The following PEX10 variants were observed in gnomAD, a reference collection of about 807,000 sequenced individuals.
The protein encoded by PEX10 is peroxisomal biogenesis factor 10.
In PEX10, 32 loss-of-function variants were observed where a neutral mutation model predicts 38.0. The ratio of observed to expected loss-of-function variants is 0.84; its 90% confidence interval spans 0.63 to 1.13. The LOEUF (loss-of-function observed/expected upper bound fraction) is 1.13. Among genes scored for constraint, PEX10 ranks in the 50% most tolerant of loss-of-function variants. The pLI is 0.00. For synonymous variants in PEX10, 206 were observed against 207.3 expected (o/e 0.99, Z 0.05); for missense variants, 483 against 457.7 (o/e 1.06, Z -0.51).
In PEX10 at chr1:2,410,469, A is replaced by T; in HGVS notation, c.113-18T>A. 1 of 1,611,930 alleles carries T rather than the reference A, an allele frequency of 6.2e-7. No individual in the cohort carries two copies. The highest frequency in any genetic ancestry group is 8.5e-7 in the Non-Finnish European group (1 of 1,178,330). On this transcript the variant is annotated intron_variant, in intron 1 of 5. Coordinates refer to ENST00000447513, the MANE Select transcript of PEX10 (RefSeq NM_002617.4). This position sits in a 1 kb window ranked among gnomAD's most constrained non-coding sequence, Gnocchi z 5.1. ...CCTCGCACCTGAGAGGAGAAACAGT[A>T]TTAGTCCGGGGGAGCTGGTGGGCAT...
Position 2,404,074 on chromosome 1 carries a change from A to T in PEX10, c.*1692T>A, listed in dbSNP as rs1489605368. On this transcript the variant is annotated 3_prime_UTR_variant, in exon 6 of 6. Coordinates refer to ENST00000447513, the MANE Select transcript of PEX10 (RefSeq NM_002617.4). ...GTTTGGCCTTTTCGAAAGGTGACCC[A>T]TATTGCACAGCAGAACATCACAGCT... 1 of 152,238 alleles carries T rather than the reference A, an allele frequency of 6.6e-6. No individual in the cohort carries two copies. The highest frequency in any genetic ancestry group is 1.5e-5 in the Non-Finnish European group (1 of 68,056). The allele number at this position is 152,238 out of a possible 1,614,324, so 9.4% of individuals were successfully genotyped here.
At position 2,405,751 on chromosome 1, in the gene PEX10, C is replaced by T. The variant is rs1482396853; in HGVS notation, c.*15G>A. 5 of 1,592,852 alleles carry T rather than the reference C, an allele frequency of 3.1e-6. No individual in the cohort carries two copies. Among genetic ancestry groups the T allele is most frequent in the Non-Finnish European group, 3.4e-6 (4 of 1,170,166 alleles). On this transcript the variant is annotated 3_prime_UTR_variant, in exon 6 of 6. Coordinates refer to ENST00000447513, the MANE Select transcript of PEX10 (RefSeq NM_002617.4). ...CGTAGAGGTCATCTGTGTCCAGGCC[C>T]ACCCGGGCGCCGGCTCAGCGGTAGT...
Position 2,405,667 on chromosome 1 carries a change from G to C in PEX10, c.*99C>G, listed in dbSNP as rs1268635597. 1.7e-5 allele frequency: 19 copies of C among 1,087,440 alleles called. No individual in the cohort carries two copies. In the East Asian group the frequency reaches 4.4e-4, roughly 25 times the overall value. The allele number at this position is 1,087,440 out of a possible 1,614,324, so 67.4% of individuals were successfully genotyped here. A position where few individuals can be genotyped will look rare whatever the true frequency, so the allele number is the denominator to read the frequency against. ...TCTTACATGACAAAAAACTGAGAGT[G>C]TTCTAACTTCTGTGCAAGCAAGGTT... On this transcript the variant is annotated 3_prime_UTR_variant, in exon 6 of 6. Transcript: ENST00000447513.
Position 2,404,188 on chromosome 1 carries a change from CCT to C in PEX10, c.*1576_*1577del, listed in dbSNP as rs1383992669. On this transcript the variant is annotated 3_prime_UTR_variant, in exon 6 of 6. Transcript: ENST00000447513. ...AGGCTCCTCACTCTGGGCGGTGTTT[CCT>C]GTCTCAGAATTGACACGGTGAATGC... 2 of 152,214 alleles carry C rather than the reference CCT, an allele frequency of 1.3e-5. No homozygotes were observed. The highest frequency in any genetic ancestry group is 2.9e-5 in the Non-Finnish European group (2 of 68,056). The allele number at this position is 152,214 out of a possible 1,614,324, so 9.4% of individuals were successfully genotyped here. A position where few individuals can be genotyped will look rare whatever the true frequency, so the allele number is the denominator to read the frequency against.
Position 2,410,356 on chromosome 1 carries a change from C to T in PEX10, c.193+15G>A, listed in dbSNP as rs745845751. 31 of 1,609,058 alleles carry T rather than the reference C, an allele frequency of 1.9e-5. No homozygotes were observed. The highest frequency in any genetic ancestry group is 1.7e-4 in the Middle Eastern group (1 of 6,052). The stretch of plus-strand genomic sequence containing the variant: ...GTGGCTGCCCTCAGTCCTGAGGTCC[C>T]GTGGGAGCTTCTACCTGCAAGTGTG... On this transcript the variant is annotated intron_variant, in intron 2 of 5. Coordinates refer to ENST00000447513, the MANE Select transcript of PEX10 (RefSeq NM_002617.4). This position sits in a 1 kb window ranked among gnomAD's most constrained non-coding sequence, Gnocchi z 5.1.
At position 2,408,877 on chromosome 1, in the gene PEX10, G is replaced by A. The variant is rs199777923; in HGVS notation, c.194-19C>T. ...TGGTAGCCTGCGAGGAAGAGGATGGGTATGTGGACCCTGAGACTGCTGCCG... is the reference window on the plus strand; with the variant it reads ...TGGTAGCCTGCGAGGAAGAGGATGGATATGTGGACCCTGAGACTGCTGCCG... On this transcript the variant is annotated intron_variant, in intron 2 of 5. Coordinates refer to ENST00000447513, the MANE Select transcript of PEX10 (RefSeq NM_002617.4). The A allele has an allele frequency of 1.7e-5, 28 of 1,613,432 alleles. No individual in the cohort carries two copies. The African/African-American group carries it at 3.2e-4, about 18-fold the overall frequency.
chr1:2,408,580 T>C lies in PEX10; in HGVS notation c.472A>G (p.Arg158Gly). The C allele has an allele frequency of 6.2e-7, 1 of 1,611,984 alleles. No individual in the cohort carries two copies. The highest frequency in any genetic ancestry group is 8.5e-7 in the Non-Finnish European group (1 of 1,179,924). The change falls in exon 3 of 6, where the codon AGG becomes GGG. Residue 158 changes from arginine (R) to glycine (G), a missense_variant. Arg to Gly is a moderately radical substitution (Grantham distance 125, BLOSUM62 -2). Coordinates refer to ENST00000447513, the MANE Select transcript of PEX10 (RefSeq NM_002617.4). The part of the protein sequence containing the change: ...HTATLTEQQR[R>G]ALLRAVFVLR... ...ACGAAGACCGCCCGCAGCAGCGCCCTCCTCTGCTGCTCAGTCAGGGTGGCC... is the reference window on the plus strand; with the variant it reads ...ACGAAGACCGCCCGCAGCAGCGCCCCCCTCTGCTGCTCAGTCAGGGTGGCC...
intron 5 of PEX10, among the ~76,000 whole-genome samples, chr1:2,406,102 GCC>G: frequency 6.6e-6 from 1 of 152,282 alleles, no homozygotes; most frequent in South Asian, 2.1e-4. Flanking sequence ...AGCCCACGAA[GCC>G]CAGCTCCTGG....
At chr1:2,407,637 C>T (rs1227833269) in intron 3 of PEX10, among the ~76,000 whole-genome samples, 1 of 152,188 alleles carries the variant, frequency 6.6e-6, no homozygotes, top group African/African-American at 2.4e-5. Context: ...ATCAAATACG[C>T]AAGTGAGGCT....
rs531441290 is a variant in PEX10 at position 2,409,119 on chromosome 1, C to T, written c.194-261G>A. On this transcript the variant is annotated intron_variant, in intron 2 of 5. Coordinates refer to ENST00000447513, the MANE Select transcript of PEX10 (RefSeq NM_002617.4). The surrounding 1 kb of genome is among the most constrained non-coding windows in gnomAD (Gnocchi z 6.2). ...CCTTGGCTGGCCAGTGTCCCTCCCT[C>T]TCTTGGCTTCTCCCCAAGAGTCTCT... 3.3e-5 allele frequency among the ~76,000 whole-genome samples: 5 copies of T among 152,256 alleles called. No individual in the cohort carries two copies. The highest frequency in any genetic ancestry group is 3.3e-4 in the Admixed American group (5 of 15,306).
chr1:2,412,423 C>A lies in PEX10; in HGVS notation c.80G>T (p.Ser27Ile), dbSNP rs2100441250. The stretch of plus-strand genomic sequence containing the variant: ...GCTGTGCAGGGCGCCGCCCGCCGCG[C>A]TCCGCAGCCCACCGCGGTAGTACTC... The part of the protein sequence containing the change: ...KDEYYRGGLR[S>I]AAGGALHSLA... The change falls in exon 1 of 6, where the codon AGC (serine) becomes ATC (isoleucine). Residue 27 changes from serine to isoleucine, a missense_variant. By Grantham distance (142) the Ser-to-Ile change is moderately radical. Coordinates refer to ENST00000447513, the MANE Select transcript of PEX10 (RefSeq NM_002617.4). The A allele has an allele frequency of 7.1e-7, 1 of 1,416,944 alleles. No homozygotes were observed. Among genetic ancestry groups the A allele is most frequent in the East Asian group, 3.1e-5 (1 of 32,758 alleles). The allele number at this position is 1,416,944 out of a possible 1,614,324, so 87.8% of individuals were successfully genotyped here.
Position 2,405,501 on chromosome 1 carries a change from T to TA in PEX10, c.*264dup, listed in dbSNP as rs2100418076. ...AGGGAAACCTAAAATCCCGTCCAAATAAGTGAAATTCCTGAAGAAGTGGCT... is the reference window on the plus strand; with the variant it reads ...AGGGAAACCTAAAATCCCGTCCAAATAAAGTGAAATTCCTGAAGAAGTGGCT... On this transcript the variant is annotated 3_prime_UTR_variant, in exon 6 of 6. Coordinates refer to ENST00000447513, the MANE Select transcript of PEX10 (RefSeq NM_002617.4). 1 of 591,120 alleles carries TA rather than the reference T, an allele frequency of 1.7e-6. No individual in the cohort carries two copies. Among genetic ancestry groups the TA allele is most frequent in the South Asian group, 1.9e-5 (1 of 52,624 alleles). The allele number at this position is 591,120 out of a possible 1,614,324, so 36.6% of individuals were successfully genotyped here.
In PEX10 at chr1:2,405,755, C is replaced by G. The variant is rs3795270; in HGVS notation, c.*11G>C. Reference sequence around the variant, plus strand: ...GAGGTCATCTGTGTCCAGGCCCACCCGGGCGCCGGCTCAGCGGTAGTGCCG... The same window carrying G: ...GAGGTCATCTGTGTCCAGGCCCACCGGGGCGCCGGCTCAGCGGTAGTGCCG... On this transcript the variant is annotated 3_prime_UTR_variant, in exon 6 of 6. Transcript: ENST00000447513. The G allele has an allele frequency of 1.3e-6, 2 of 1,594,792 alleles. No homozygotes were observed. Among genetic ancestry groups the G allele is most frequent in the Non-Finnish European group, 1.7e-6 (2 of 1,171,196 alleles).
In PEX10 at chr1:2,406,538, C is replaced by T. The variant is rs374678390; in HGVS notation, c.858G>A (p.Thr286=). 3.7e-6 allele frequency: 6 copies of T among 1,613,088 alleles called. No individual in the cohort carries two copies. Among genetic ancestry groups the T allele is most frequent in the African/African-American group, 1.3e-5 (1 of 74,920 alleles). ...CLEERRHPTA[T]PCGHLFCWEC... is the part of the protein sequence containing the mutation. ...CCCAGCAGAACAGGTGGCCGCAGGG[C>T]GTGGCTGTTGGGTGCCTGCGCTCCT... Residue 286 remains threonine, a synonymous_variant, in exon 5 of 6, where the codon ACG becomes ACA. Transcript: ENST00000447513.
chr1:2,406,405 C>G (rs1643003170), intron 5 of PEX10, 79 bp downstream of exon 5: 3 of 1,579,524 alleles, frequency 1.9e-6, no homozygotes, highest in Non-Finnish European at 8.6e-7. Flanking sequence ...AGCCAGACTC[C>G]CCACTTCTGC....
In PEX10 at chr1:2,406,387, G is replaced by T. The variant is rs1004412507; in HGVS notation, c.912+97C>A. On this transcript the variant is annotated intron_variant, in intron 5 of 5. Coordinates refer to ENST00000447513, the MANE Select transcript of PEX10 (RefSeq NM_002617.4). Reference sequence around the variant, plus strand: ...ACCTCTGTACCCTCAAAACTGGAGGGTGCTCAGAGCCAGACTCCCCACTTC... The same window carrying T: ...ACCTCTGTACCCTCAAAACTGGAGGTTGCTCAGAGCCAGACTCCCCACTTC... 2.6e-6 allele frequency: 4 copies of T among 1,512,372 alleles called. No homozygotes were observed. The African/African-American group carries it at 4.1e-5, about 16-fold the overall frequency. 93.7% of individuals were successfully genotyped at this position (1,512,372 alleles called of 1,614,324 possible). A position where few individuals can be genotyped will look rare whatever the true frequency, so the allele number is the denominator to read the frequency against.
Position 2,408,679 on chromosome 1 carries a change from G to C in PEX10, c.373C>G (p.Arg125Gly). The change falls in exon 3 of 6, where the codon CGA becomes GGA. Residue 125 changes from arginine to glycine, a missense_variant. Transcript: ENST00000447513. ...GGCCCCAGGCTCCCCTGCAAGGGTC[G>C]CCCACTGTCGGGGTCAGCCTGCAGC... ...QELQADPDSG[R>G]PLQGSLGPGG... The C allele has an allele frequency of 6.2e-7, 1 of 1,612,504 alleles. No individual in the cohort carries two copies. The highest frequency in any genetic ancestry group is 8.5e-7 in the Non-Finnish European group (1 of 1,179,450).
At chr1:2,413,030 C>T (rs1643325867), upstream of PEX10, among the ~76,000 whole-genome samples, 1 of 152,240 alleles carries the variant, frequency 6.6e-6, no homozygotes, top group Non-Finnish European at 1.5e-5. Flanking sequence ...GTCCCGCCCT[C>T]GCGCCCTTTG....
At chr1:2,412,088 C>T (rs1488081248) in intron 1 of PEX10, among the ~76,000 whole-genome samples, 1 of 152,250 alleles carries the variant, frequency 6.6e-6, no homozygotes, top group Non-Finnish European at 1.5e-5. Context: ...TCTTCCCCAG[C>T]CGCTGGCGTC....
Sources: gnomAD v4.1 joint callset for allele counts (sites outside exome capture counted in the v4.1 genomes callset) on GRCh38, gnomAD v4.1.1 for gene constraint, Gnocchi (gnomAD v3.1) non-coding constraint, MANE v1.5 for transcripts, NCBI Gene and HGNC (gene_info 2026-07-23, HGNC 2026-07-21) for gene names.